The following MAPK10 variants were observed in gnomAD, a reference collection of about 807,000 sequenced individuals.
The protein encoded by MAPK10 is JNK3 alpha protein kinase.
A neutral mutation model predicts 59.3 loss-of-function variants in MAPK10; 25 were observed. That is an observed-to-expected ratio of 0.42 (90% confidence interval 0.31 to 0.59). MAPK10 has a LOEUF of 0.59. Among genes scored for constraint, MAPK10 ranks in the 20% least tolerant of loss-of-function variants. The pLI is 0.15. For missense variants in MAPK10, 351 were observed against 568.9 expected (o/e 0.62, Z 3.90); for synonymous variants, 190 against 200.5 (o/e 0.95, Z 0.44).
intron 13 of MAPK10, chr4:86,028,450 C>T (rs1751443504): frequency 4.0e-5 from 6 of 151,864 alleles, no homozygotes; most frequent in Admixed American, 3.9e-4. Context: ...CATCTTTTTT[C>T]CTAAAATAAT....
intron 9 of MAPK10, chr4:86,080,567 C>T (rs2050436169): frequency 6.6e-6 from 1 of 151,820 alleles, no homozygotes; most frequent in Non-Finnish European, 1.5e-5. Context: ...AAAATACGTA[C>T]TTCGGGAGAA....
At chr4:86,519,664 C>T (rs1215521185) in intron 1 of MAPK10, among the ~76,000 whole-genome samples, 1 of 152,022 alleles carries the variant, frequency 6.6e-6, no homozygotes, top group Non-Finnish European at 1.5e-5. Flanking sequence ...TAGTTGTTGC[C>T]TGAATACCTC....
In MAPK10 at chr4:86,016,007, A is replaced by G. The variant is rs1166080682; in HGVS notation, c.*1221T>C. ...TTATTTCTCAAAATAAAACTTTGGC[A>G]GAGTATGAATCAGGGAAGCAGCCCA... On this transcript the variant is annotated 3_prime_UTR_variant, in exon 14 of 14. Transcript: ENST00000641462. The G allele has an allele frequency of 1.3e-5, 2 of 152,194 alleles. No homozygotes were observed. The highest frequency in any genetic ancestry group is 2.9e-5 in the Non-Finnish European group (2 of 68,048). 9.4% of individuals were successfully genotyped at this position (152,194 alleles called of 1,614,324 possible).
At chr4:86,219,638 CACTT>C (rs1181530426) in intron 2 of MAPK10, 1 of 152,040 alleles carries the variant, frequency 6.6e-6, no homozygotes, top group Non-Finnish European at 1.5e-5. Flanking sequence ...TGTCAAGTAA[CACTT>C]AACCTCTTAG....
chr4:86,089,363 G>C (rs2052613298), intron 9 of MAPK10: 3 of 880,494 alleles, frequency 3.4e-6, no homozygotes, highest in Non-Finnish European at 5.5e-6. Flanking sequence ...TCATGCCATA[G>C]AGCAATAGTC....
chr4:86,518,657 T>C (rs945586203), intron 1 of MAPK10, among the ~76,000 whole-genome samples: 4 of 151,798 alleles, frequency 2.6e-5, no homozygotes, highest in African/African-American at 9.7e-5. Flanking sequence ...TCTGCTGGGC[T>C]TGGGTTTGGT....
At chr4:86,430,391 C>T (rs1280590246) in intron 1 of MAPK10, among the ~76,000 whole-genome samples, 1 of 152,148 alleles carries the variant, frequency 6.6e-6, no homozygotes, top group African/African-American at 2.4e-5. Context: ...TTCTTTCCTT[C>T]AACCAATATA....
chr4:86,503,485 A>G (rs115298982), intron 1 of MAPK10, among the ~76,000 whole-genome samples: 1,550 of 152,144 alleles, frequency 0.01, 15 homozygotes, highest in African/African-American at 0.027. Context: ...TTCCTATAAA[A>G]CTTTCAAAGG....
At chr4:86,206,507 C>T (rs1370362754) in intron 2 of MAPK10, among the ~76,000 whole-genome samples, 1 of 151,956 alleles carries the variant, frequency 6.6e-6, no homozygotes, top group East Asian at 1.9e-4. Context: ...AATAAACATA[C>T]GTGTGCATGT....
intron 1 of MAPK10, among the ~76,000 whole-genome samples, chr4:86,464,022 A>T (rs948485002): frequency 6.6e-6 from 1 of 152,180 alleles, no homozygotes; most frequent in African/African-American, 2.4e-5. Flanking sequence ...TCAAACCGTG[A>T]CTATGATAGG....
At chr4:86,407,247 T>TA (rs1237099027) in intron 1 of MAPK10, among the ~76,000 whole-genome samples, 5 of 152,208 alleles carry the variant, frequency 3.3e-5, no homozygotes, top group East Asian at 1.9e-4. Flanking sequence ...ATCCTTATTT[T>TA]AAAAAAAGTA....
chr4:86,305,052 AC>A (rs2095542518), intron 2 of MAPK10, among the ~76,000 whole-genome samples: 1 of 152,208 alleles, frequency 6.6e-6, no homozygotes, highest in African/African-American at 2.4e-5. Context: ...TACTAGTAAT[AC>A]CAAAAACAAA....
At chr4:86,254,580 G>C (rs1441702649) in intron 2 of MAPK10, among the ~76,000 whole-genome samples, 3 of 136,460 alleles carry the variant, frequency 2.2e-5, no homozygotes, top group Non-Finnish European at 4.6e-5. Flanking sequence ...TTGCTGAGGA[G>C]AGCTTTACTT....
intron 2 of MAPK10, among the ~76,000 whole-genome samples, chr4:86,274,657 A>G (rs2148780437): frequency 6.6e-6 from 1 of 151,888 alleles, no homozygotes; most frequent in African/African-American, 2.4e-5. Flanking sequence ...CCTTAATTCT[A>G]TTGTTCAGCC....
intron 9 of MAPK10, among the ~76,000 whole-genome samples, chr4:86,097,047 A>T (rs2054360548): frequency 6.6e-6 from 1 of 152,008 alleles, no homozygotes; most frequent in Non-Finnish European, 1.5e-5. Context: ...CAAAAGAATA[A>T]AAAAAGATAT....
Position 86,015,073 on chromosome 4 carries a change from T to G in MAPK10, c.*2155A>C, listed in dbSNP as rs982872570. The G allele has an allele frequency of 2.0e-5, 3 of 150,920 alleles. No homozygotes were observed. Among genetic ancestry groups the G allele is most frequent in the Non-Finnish European group, 1.5e-5 (1 of 67,878 alleles). 9.3% of individuals were successfully genotyped at this position (150,920 alleles called of 1,614,324 possible). A position where few individuals can be genotyped will look rare whatever the true frequency, so the allele number is the denominator to read the frequency against. On this transcript the variant is annotated 3_prime_UTR_variant, in exon 14 of 14. Coordinates refer to ENST00000641462, the MANE Select transcript of MAPK10 (RefSeq NM_138982.4). The stretch of plus-strand genomic sequence containing the variant: ...GCTCAAGTGACTGAGGAGGCATTTT[T>G]AACAATCAGGTTATCTGCAATATTA...
intron 2 of MAPK10, among the ~76,000 whole-genome samples, chr4:86,239,965 C>G (rs1048998585): frequency 6.6e-6 from 1 of 152,106 alleles, no homozygotes; most frequent in Admixed American, 6.6e-5. Flanking sequence ...TGAGATCTTT[C>G]TAGCTTTCTG....
chr4:86,260,873 G>C (rs2093956692), intron 2 of MAPK10, among the ~76,000 whole-genome samples: 2 of 152,028 alleles, frequency 1.3e-5, no homozygotes, highest in South Asian at 4.1e-4. Context: ...TATTTACTAT[G>C]CAAGGCATTG....
At chr4:86,162,381 T>C (rs1055973463) in intron 3 of MAPK10, among the ~76,000 whole-genome samples, 4 of 151,984 alleles carry the variant, frequency 2.6e-5, no homozygotes, top group African/African-American at 4.8e-5. Context: ...AGGATGATTA[T>C]CTAACTATTT....
Sources: gnomAD v4.1 joint callset for allele counts (sites outside exome capture counted in the v4.1 genomes callset) on GRCh38, gnomAD v4.1.1 for gene constraint, MANE v1.5 for transcripts, NCBI Gene and HGNC (gene_info 2026-07-23, HGNC 2026-07-21) for gene names.